The following PHF21B variants were observed in gnomAD, a reference collection of about 807,000 sequenced individuals.
PHF21B encodes the protein PHD finger protein 21B, also known as PHD finger protein 4.
Under a neutral mutation model 62.2 loss-of-function variants are expected in PHF21B, and 22 were observed. The ratio of observed to expected loss-of-function variants is 0.35; its 90% CI spans 0.25 to 0.51. The LOEUF (loss-of-function observed/expected upper bound fraction) is 0.51, where lower values mean the gene tolerates loss of function less well. Among genes scored for constraint, PHF21B ranks in the 20% least tolerant of loss-of-function variants. The pLI is 0.97. For missense variants in PHF21B, 701 were observed against 707.9 expected (o/e 0.99, Z 0.11); for synonymous variants, 341 against 314.7 (o/e 1.08, Z -0.88).
At chr22:44,895,267 C>T (rs904663413) in intron 6 of PHF21B, among the ~76,000 whole-genome samples, 4 of 152,104 alleles carry the variant, frequency 2.6e-5, no homozygotes, top group African/African-American at 9.7e-5. Flanking sequence ...CCCAAGGGGG[C>T]TGGTTTCGAG....
At chr22:44,904,517 G>T (rs1183334465) in intron 5 of PHF21B, among the ~76,000 whole-genome samples, 1 of 93,092 alleles carries the variant, frequency 1.1e-5, no homozygotes, top group Non-Finnish European at 2.2e-5. Context: ...CTTCCAGAAG[G>T]AACAGAGCAG....
intron 2 of PHF21B, among the ~76,000 whole-genome samples, chr22:44,975,058 C>T (rs1167419651): frequency 2.6e-5 from 4 of 152,204 alleles, no homozygotes; most frequent in East Asian, 3.8e-4. Context: ...CTGTCCTGGA[C>T]GCTGACCCCA....
intron 2 of PHF21B, among the ~76,000 whole-genome samples, chr22:44,958,597 G>GCTTTTTT (rs1569254952): frequency 3.4e-5 from 2 of 58,508 alleles, no homozygotes; most frequent in Non-Finnish European, 7.0e-5. Context: ...GCCTTCCTTT[G>GCTTTTTT]ATTTTTTTTT....
intron 5 of PHF21B, 102 bp downstream of exon 5, chr22:44,913,720 C>T (rs541236103): frequency 1.3e-5 from 19 of 1,435,222 alleles, no homozygotes; most frequent in South Asian, 3.1e-5. Context: ...CACGGCTTGT[C>T]GGGACCACCC....
At chr22:44,976,607 TC>T (rs2072742324) in intron 2 of PHF21B, among the ~76,000 whole-genome samples, 1 of 152,244 alleles carries the variant, frequency 6.6e-6, no homozygotes, top group Admixed American at 6.5e-5. Flanking sequence ...AGTTGCAGCC[TC>T]TGGGGAGCTG....
At chr22:44,998,160 G>A (rs916766750) in intron 2 of PHF21B, among the ~76,000 whole-genome samples, 4 of 152,318 alleles carry the variant, frequency 2.6e-5, no homozygotes, top group South Asian at 2.1e-4. Flanking sequence ...TGCCAAAGCT[G>A]CCTGTCTCTT....
At chr22:44,980,546 G>A (rs955058007) in intron 2 of PHF21B, among the ~76,000 whole-genome samples, 4 of 152,196 alleles carry the variant, frequency 2.6e-5, no homozygotes, top group Non-Finnish European at 5.9e-5. Flanking sequence ...GGGGTCTGGA[G>A]GAGCTGTGTG....
chr22:44,942,075 A>G (rs1185501999), intron 2 of PHF21B, among the ~76,000 whole-genome samples: 2 of 152,186 alleles, frequency 1.3e-5, no homozygotes, highest in Non-Finnish European at 1.5e-5. Flanking sequence ...ACAGCCTGAC[A>G]TGGCACAGCA....
At chr22:44,913,791 G>C (rs748304380) in intron 5 of PHF21B, 31 bp downstream of exon 5, 1 of 1,599,188 alleles carries the variant, frequency 6.3e-7, no homozygotes, top group Non-Finnish European at 8.5e-7. Context: ...GACTGAGCAG[G>C]GCCTGGGCCC....
intron 5 of PHF21B, among the ~76,000 whole-genome samples, chr22:44,900,107 C>G (rs1308274066): frequency 6.6e-6 from 1 of 152,152 alleles, no homozygotes; most frequent in African/African-American, 2.4e-5. Context: ...TTCCCTCCTT[C>G]TCCTCTCAAT....
chr22:44,923,922 G>T (rs942619327), intron 2 of PHF21B, among the ~76,000 whole-genome samples: 1 of 151,718 alleles, frequency 6.6e-6, no homozygotes, highest in Non-Finnish European at 1.5e-5. Context: ...GAGGCAGGAG[G>T]GTCACTTTAG....
At chr22:44,952,177 T>C (rs2072207169) in intron 2 of PHF21B, among the ~76,000 whole-genome samples, 2 of 152,060 alleles carry the variant, frequency 1.3e-5, no homozygotes, top group African/African-American at 4.8e-5. Context: ...ACCTCGTCTC[T>C]ATTAAAAAAA....
intron 2 of PHF21B, among the ~76,000 whole-genome samples, chr22:45,000,403 T>C (rs929863239): frequency 9.9e-5 from 15 of 151,686 alleles, no homozygotes; most frequent in African/African-American, 3.1e-4. Context: ...ATGGGGCGAG[T>C]AGCAGCCTCG....
chr22:44,994,625 A>C (rs907501977), intron 2 of PHF21B, among the ~76,000 whole-genome samples: 1 of 152,202 alleles, frequency 6.6e-6, no homozygotes, highest in Non-Finnish European at 1.5e-5. Context: ...AAGAAAGCTA[A>C]GGCTCAGAGA....
At chr22:44,966,577 G>A (rs531327042) in intron 2 of PHF21B, among the ~76,000 whole-genome samples, 1 of 152,268 alleles carries the variant, frequency 6.6e-6, no homozygotes, top group Admixed American at 6.5e-5. Flanking sequence ...CCAGGCAGGT[G>A]CGGTGAAGGG....
intron 3 of PHF21B, among the ~76,000 whole-genome samples, chr22:44,919,438 C>A (rs1396655892): frequency 6.6e-6 from 1 of 152,038 alleles, no homozygotes; most frequent in Non-Finnish European, 1.5e-5. Flanking sequence ...TAAGACAATT[C>A]TTCTTCCAGT....
At chr22:44,980,278 G>A (rs1674228455) in intron 2 of PHF21B, among the ~76,000 whole-genome samples, 1 of 152,158 alleles carries the variant, frequency 6.6e-6, no homozygotes, top group African/African-American at 2.4e-5. Flanking sequence ...GACTCCTGGA[G>A]GACAGGTTCA....
At chr22:44,922,212 G>A (rs1392924190) in intron 2 of PHF21B, among the ~76,000 whole-genome samples, 1 of 152,242 alleles carries the variant, frequency 6.6e-6, no homozygotes, top group African/African-American at 2.4e-5. Flanking sequence ...TTGAAAGTCA[G>A]TCTGTGTAAT....
chr22:44,996,638 A>G (rs2073126784), intron 2 of PHF21B, among the ~76,000 whole-genome samples: 1 of 151,854 alleles, frequency 6.6e-6, no homozygotes, highest in Non-Finnish European at 1.5e-5. Context: ...ATCACTCTCT[A>G]AAGCTGCCAC....
Sources: gnomAD v4.1 joint callset for allele counts (sites outside exome capture counted in the v4.1 genomes callset) on GRCh38, gnomAD v4.1.1 for gene constraint, MANE v1.5 for transcripts, NCBI Gene and HGNC (gene_info 2026-07-23, HGNC 2026-07-21) for gene names.